LDLRAD3: variants seen among roughly 807,000 people sequenced by gnomAD.
LDLRAD3 encodes low-density lipoprotein receptor class A domain-containing protein 3.
LDLRAD3 carries 20 observed loss-of-function variants against 29.4 expected under a neutral mutation model. The ratio of observed to expected loss-of-function variants is 0.68; its 90% confidence interval spans 0.48 to 0.99. LDLRAD3 has a LOEUF of 0.99. Ranked by LOEUF, LDLRAD3 falls within the 50% of genes least tolerant of loss-of-function variation. LDLRAD3 has a pLI of 0.00. For missense variants in LDLRAD3, 420 were observed against 454.3 expected, an observed-to-expected ratio of 0.92 and a Z score of 0.69; for synonymous variants, 157 against 192.7, an observed-to-expected ratio of 0.81 and a Z score of 1.53.
At position 36,036,222 on chromosome 11, in the gene LDLRAD3, T is replaced by G. The variant is rs774413182; in HGVS notation, c.166T>G (p.Phe56Val). Reference sequence around the variant, plus strand: ...GCAGTGTGACGGGCTGCCTGACTGCTTCGACAAGAGTGATGAGAAGGAGTG... The same window carrying G: ...GCAGTGTGACGGGCTGCCTGACTGCGTCGACAAGAGTGATGAGAAGGAGTG... ...AWQCDGLPDCFDKSDEKECPK... is the reference protein window; with the variant it reads ...AWQCDGLPDCVDKSDEKECPK... The change falls in exon 2 of 6, where the codon TTC (phenylalanine) becomes GTC (valine). Residue 56 changes from phenylalanine (F) to valine (V), a missense_variant. Coordinates refer to ENST00000315571, the MANE Select transcript of LDLRAD3 (RefSeq NM_174902.4). The G allele has an allele frequency of 1.9e-6, 3 of 1,613,992 alleles. No homozygotes were observed. Among genetic ancestry groups the G allele is most frequent in the Non-Finnish European group, 2.5e-6 (3 of 1,179,970 alleles).
At chr11:36,216,200 C>T (rs1565310838) in intron 4 of LDLRAD3, among the ~76,000 whole-genome samples, 1 of 152,182 alleles carries the variant, frequency 6.6e-6, no homozygotes. Context: ...CTTCTTCCAT[C>T]GGCAGCTGCA....
intron 3 of LDLRAD3, among the ~76,000 whole-genome samples, chr11:36,095,994 T>C (rs562801494): frequency 1.3e-5 from 2 of 152,330 alleles, no homozygotes; most frequent in South Asian, 4.1e-4. Context: ...CGGTTTTGGC[T>C]GAAGTCAGAC....
At chr11:36,219,257 TA>T in intron 4 of LDLRAD3, among the ~76,000 whole-genome samples, 1 of 152,354 alleles carries the variant, frequency 6.6e-6, no homozygotes, top group Admixed American at 6.5e-5. Context: ...CTAATAGGTT[TA>T]GGGGAGAGGA....
At chr11:36,141,720 C>T (rs893232499) in intron 4 of LDLRAD3, among the ~76,000 whole-genome samples, 2 of 152,134 alleles carry the variant, frequency 1.3e-5, no homozygotes, top group African/African-American at 4.8e-5. Flanking sequence ...TATGGCAACA[C>T]GTGGAGTGAG....
At position 36,084,948 on chromosome 11, in the gene LDLRAD3, T is replaced by C. The variant is rs534816111; in HGVS notation, c.319+3170T>C. On this transcript the variant is annotated intron_variant, in intron 3 of 5. Transcript: ENST00000315571. ...TTAGCCACCCCACAAGACCGTGTTT[T>C]AATTTTTGCTTTAAATATTCAAACA... 4.6e-5 allele frequency among the ~76,000 whole-genome samples: 7 copies of C among 152,390 alleles called. No individual in the cohort carries two copies. In the East Asian group the frequency reaches 1.3e-3, roughly 29 times the overall value.
intron 2 of LDLRAD3, among the ~76,000 whole-genome samples, chr11:36,071,373 A>T (rs528811501): frequency 6.6e-6 from 1 of 152,308 alleles, no homozygotes; most frequent in African/African-American, 2.4e-5. Flanking sequence ...CAAAATGTAA[A>T]GCATGCATGT....
chr11:36,056,192 A>G (rs1852617388), intron 2 of LDLRAD3, among the ~76,000 whole-genome samples: 1 of 152,032 alleles, frequency 6.6e-6, no homozygotes, highest in African/African-American at 2.4e-5. Context: ...ACAGGGTTTC[A>G]CCATGTTGGT....
Position 36,227,161 on chromosome 11 carries a change from C to T in LDLRAD3, c.531C>T (p.Ile177=), listed in dbSNP as rs76224006. 29 of 1,614,128 alleles carry T rather than the reference C, an allele frequency of 1.8e-5. No homozygotes were observed. The highest frequency in any genetic ancestry group is 2.7e-5 in the African/African-American group (2 of 75,066). The change falls in exon 5 of 6, where the codon ATC becomes ATT. Residue 177 remains isoleucine, a synonymous_variant. Transcript: ENST00000315571. The part of the protein sequence containing the change: ...VYYPSITYAI[I]GSSVIFVLVV... Reference sequence around the variant, plus strand: ...ACCCCAGCATCACCTATGCCATCATCGGCAGCTCCGTCATTTTTGTGCTGG... The same window carrying T: ...ACCCCAGCATCACCTATGCCATCATTGGCAGCTCCGTCATTTTTGTGCTGG...
chr11:36,216,277 A>T (rs760197014), intron 4 of LDLRAD3, among the ~76,000 whole-genome samples: 1 of 152,238 alleles, frequency 6.6e-6, no homozygotes, highest in South Asian at 2.1e-4. Flanking sequence ...GTGAGAAGAT[A>T]TCTTCTAGAA....
At chr11:35,947,530 T>G (rs1256534116) in intron 1 of LDLRAD3, among the ~76,000 whole-genome samples, 1 of 150,928 alleles carries the variant, frequency 6.6e-6, no homozygotes, top group Non-Finnish European at 1.5e-5. Context: ...AGAATTGGCC[T>G]TTACAACCTT....
chr11:36,015,917 C>T (rs900452890), intron 1 of LDLRAD3, among the ~76,000 whole-genome samples: 1 of 152,132 alleles, frequency 6.6e-6, no homozygotes, highest in Non-Finnish European at 1.5e-5. Flanking sequence ...TGAATGAGCT[C>T]GTCTGTTTTC....
intron 4 of LDLRAD3, among the ~76,000 whole-genome samples, chr11:36,126,494 G>T (rs1853839398): frequency 6.6e-6 from 1 of 152,176 alleles, no homozygotes. Context: ...AGCATGCAGG[G>T]AAGAGGTTGA....
chr11:36,077,579 G>T (rs1853035505), intron 2 of LDLRAD3, among the ~76,000 whole-genome samples: 1 of 152,194 alleles, frequency 6.6e-6, no homozygotes, highest in Admixed American at 6.5e-5. Flanking sequence ...GCTGTGGTGG[G>T]GCAGGCAGCT....
In LDLRAD3 at chr11:36,213,623, A is replaced by G. The variant is rs1855312970; in HGVS notation, c.455-13462A>G. ...GCAGAGGCCATGGTAGGAGGCATGC[A>G]GGAGTGAAATGGGACCCCCAGGGCC... On this transcript the variant is annotated intron_variant, in intron 4 of 5. Transcript: ENST00000315571. The surrounding 1 kb of genome is among the most constrained non-coding windows in gnomAD (Gnocchi z 4.1). 6.6e-6 allele frequency among the ~76,000 whole-genome samples: 1 copy of G among 152,196 alleles called. No individual in the cohort carries two copies. Among genetic ancestry groups the G allele is most frequent in the African/African-American group, 2.4e-5 (1 of 41,462 alleles).
At chr11:36,226,998 A>G in intron 4 of LDLRAD3, 87 bp from the exon 5 acceptor site, 1 of 1,066,008 alleles carries the variant, frequency 9.4e-7, no homozygotes, top group Non-Finnish European at 1.4e-6. Flanking sequence ...GAACATTCGC[A>G]TGCAAGTTCT....
chr11:36,120,554 A>C (rs1278265429), intron 4 of LDLRAD3, among the ~76,000 whole-genome samples: 1 of 152,230 alleles, frequency 6.6e-6, no homozygotes, highest in Non-Finnish European at 1.5e-5. Context: ...GGGGAACCTC[A>C]TGAGGCAGTG....
intron 2 of LDLRAD3, among the ~76,000 whole-genome samples, chr11:36,069,461 A>G (rs989891146): frequency 3.9e-5 from 6 of 152,316 alleles, no homozygotes; most frequent in African/African-American, 1.4e-4. Context: ...TTAGCTAGCA[A>G]TGGCCACATG....
intron 1 of LDLRAD3, among the ~76,000 whole-genome samples, chr11:35,987,323 T>C (rs990293856): frequency 6.6e-6 from 1 of 152,198 alleles, no homozygotes; most frequent in Admixed American, 6.5e-5. Context: ...TATTGCAAGA[T>C]GCTAGGGTTT....
At chr11:36,178,417 TC>T (rs141529316) in intron 4 of LDLRAD3, among the ~76,000 whole-genome samples, 7,764 of 152,254 alleles carry the variant, frequency 0.051, 421 homozygotes, top group East Asian at 0.33. Context: ...CCAGTGGTCT[TC>T]CCACCTCCTC....
Sources: allele counts gnomAD v4.1 joint callset (sites outside exome capture counted in the v4.1 genomes callset), GRCh38; gene constraint gnomAD v4.1.1; non-coding constraint Gnocchi (gnomAD v3.1); transcripts MANE v1.5; gene names NCBI Gene and HGNC (gene_info 2026-07-23, HGNC 2026-07-21).